Variants in ANTXRL observed in about 807,000 individuals in gnomAD.
ANTXRL encodes the protein ANTXR like.
ANTXRL carries 63 observed loss-of-function variants against 75.4 expected under a neutral mutation model. That is an observed-to-expected ratio of 0.84 (90% CI 0.68 to 1.03). ANTXRL has a LOEUF of 1.03. Among genes scored for constraint, ANTXRL ranks in the 50% least tolerant of loss-of-function variants. The pLI, the probability that ANTXRL is intolerant of heterozygous loss-of-function variation, is 0.00. For missense variants in ANTXRL, 797 were observed against 789.4 expected (o/e 1.01, Z -0.12); for synonymous variants, 335 against 291.3 (o/e 1.15, Z -1.53).
intron 12 of ANTXRL, among the ~76,000 whole-genome samples, chr10:46,307,870 C>A (rs1774238869): frequency 6.6e-6 from 1 of 152,160 alleles, no homozygotes; most frequent in Non-Finnish European, 1.5e-5. Flanking sequence ...AGCCCCCTTT[C>A]TGCCTCTCCT....
intron 10 of ANTXRL, among the ~76,000 whole-genome samples, chr10:46,306,440 A>T (rs1200002749): frequency 6.6e-6 from 1 of 152,186 alleles, no homozygotes; most frequent in African/African-American, 2.4e-5. Flanking sequence ...GAAGTCATGC[A>T]TAATGAAGCG....
chr10:46,291,083 G>A lies in ANTXRL; in HGVS notation c.249-975G>A, dbSNP rs528052317. On this transcript the variant is annotated intron_variant, in intron 1 of 16. Coordinates refer to ENST00000620264, the MANE Select transcript of ANTXRL (RefSeq NM_001278688.3). ...TTTTAGCCTTTACATTTAGGTCTTTGACCCATTTTGAGTGAATTTCTGTAA... is the reference window on the plus strand; with the variant it reads ...TTTTAGCCTTTACATTTAGGTCTTTAACCCATTTTGAGTGAATTTCTGTAA... Among the ~76,000 whole-genome samples, 244 of 152,206 alleles carry A rather than the reference G, an allele frequency of 1.6e-3. 1 individual carries two copies. The highest frequency in any genetic ancestry group is 3.6e-3 in the Admixed American group (55 of 15,274).
intron 2 of ANTXRL, among the ~76,000 whole-genome samples, chr10:46,293,520 T>TGTGC (rs782374134): frequency 0.027 from 4,007 of 147,292 alleles, 184 homozygotes; most frequent in African/African-American, 0.095. Context: ...TGTGTGTGTG[T>TGTGC]GCCTCTGTGT....
chr10:46,308,970 C>T (rs1838262172), intron 12 of ANTXRL, 143 bp from the exon 13 acceptor site: 1 of 1,188,356 alleles, frequency 8.4e-7, no homozygotes, highest in Admixed American at 2.4e-5. Flanking sequence ...TCTCTGGGGC[C>T]CAGCCCTGGC....
intron 10 of ANTXRL, among the ~76,000 whole-genome samples, chr10:46,305,796 C>T (rs1241423410): frequency 2.6e-5 from 4 of 152,032 alleles, no homozygotes; most frequent in African/African-American, 9.7e-5. Flanking sequence ...AACAAAATTA[C>T]AGACTTGAAA....
At chr10:46,316,347 A>C (rs1838723767) in intron 16 of ANTXRL, among the ~76,000 whole-genome samples, 1 of 152,050 alleles carries the variant, frequency 6.6e-6, no homozygotes, top group African/African-American at 2.4e-5. Flanking sequence ...TCCACAAACT[A>C]ATATATGCCA....
intron 1 of ANTXRL, 122 bp downstream of exon 1, chr10:46,287,632 T>C: frequency 3.0e-6 from 4 of 1,348,354 alleles, no homozygotes; most frequent in Non-Finnish European, 3.9e-6. Context: ...GGCCAAACTT[T>C]GGTCAGACCA....
intron 16 of ANTXRL, among the ~76,000 whole-genome samples, chr10:46,314,790 A>AGGCCCAGAGT (rs1386110799): frequency 9.9e-5 from 15 of 152,270 alleles, no homozygotes; most frequent in Non-Finnish European, 2.1e-4. Flanking sequence ...GGCAAAATAG[A>AGGCCCAGAGT]GGCCCAGAGT....
intron 16 of ANTXRL, among the ~76,000 whole-genome samples, chr10:46,326,201 G>A (rs963870791): frequency 1.3e-5 from 2 of 152,008 alleles, no homozygotes; most frequent in East Asian, 3.9e-4. Flanking sequence ...TGTGAGTAGA[G>A]ATGGATAAAA....
chr10:46,318,116 C>T (rs1251205355), intron 16 of ANTXRL, among the ~76,000 whole-genome samples: 1 of 152,216 alleles, frequency 6.6e-6, no homozygotes, highest in South Asian at 2.1e-4. Context: ...GGGAGGTGGC[C>T]TCAGTGTTAG....
chr10:46,325,015 G>A (rs561099675), intron 16 of ANTXRL, among the ~76,000 whole-genome samples: 17 of 152,132 alleles, frequency 1.1e-4, no homozygotes, highest in African/African-American at 4.1e-4. Context: ...ATCCTTTCAC[G>A]CCAAGAGATT....
intron 10 of ANTXRL, among the ~76,000 whole-genome samples, chr10:46,305,351 G>A (rs763728791): frequency 6.6e-6 from 1 of 152,166 alleles, no homozygotes; most frequent in African/African-American, 2.4e-5. Context: ...AAACAGAAAT[G>A]CTATTTATTC....
chr10:46,328,609 G>A (rs1554966903), intron 16 of ANTXRL, among the ~76,000 whole-genome samples: 1 of 152,082 alleles, frequency 6.6e-6, no homozygotes, highest in Non-Finnish European at 1.5e-5. Flanking sequence ...TTACAACTGA[G>A]CACATTGCCT....
At chr10:46,287,818 G>A (rs1366348791) in intron 1 of ANTXRL, among the ~76,000 whole-genome samples, 1 of 152,144 alleles carries the variant, frequency 6.6e-6, no homozygotes, top group African/African-American at 2.4e-5. Context: ...TGATTGCTCG[G>A]ACCTGCCTCT....
chr10:46,300,620 A>G lies in ANTXRL; in HGVS notation c.797-2102A>G, dbSNP rs187149428. ...GTGCAGAGGTGGGACCAGGTGGAGC[A>G]CAGGCACTCTGCAAGCCTTGCCTCA... On this transcript the variant is annotated intron_variant, in intron 9 of 16. Transcript: ENST00000620264. 6.0e-3 allele frequency among the ~76,000 whole-genome samples: 913 copies of G among 152,026 alleles called. 16 individuals are homozygous for G. Among genetic ancestry groups the G allele is most frequent in the East Asian group, 0.039 (203 of 5,168 alleles).
rs190206961 is a variant in ANTXRL at position 46,308,387 on chromosome 10, C to T, written c.1045-726C>T. 2.8e-3 allele frequency: 1,153 copies of T among 412,366 alleles called. 8 individuals carry two copies. The highest frequency in any genetic ancestry group is 3.4e-3 in the Non-Finnish European group (702 of 206,680). The allele number at this position is 412,366 out of a possible 1,614,324, so 25.5% of individuals were successfully genotyped here. ...CCTTCAGCCAGCCGGGTTCCCAGCACAGGCCCCTGCCCCTTCCCTCCCCTC... is the reference window on the plus strand; with the variant it reads ...CCTTCAGCCAGCCGGGTTCCCAGCATAGGCCCCTGCCCCTTCCCTCCCCTC... On this transcript the variant is annotated intron_variant, in intron 12 of 16. Coordinates refer to ENST00000620264, the MANE Select transcript of ANTXRL (RefSeq NM_001278688.3).
At chr10:46,323,839 G>A (rs1839091368) in intron 16 of ANTXRL, among the ~76,000 whole-genome samples, 2 of 152,110 alleles carry the variant, frequency 1.3e-5, no homozygotes, top group Non-Finnish European at 1.5e-5. Context: ...GTCTTTCCGA[G>A]GTAAAGATTC....
chr10:46,287,323 C>G lies in ANTXRL; in HGVS notation c.61C>G (p.Pro21Ala), dbSNP rs1358743639. The G allele has an allele frequency of 1.3e-6, 2 of 1,535,920 alleles. No homozygotes were observed. Among genetic ancestry groups the G allele is most frequent in the African/African-American group, 2.7e-5 (2 of 73,006 alleles). ...GGTCTTCCTGCTGCTGCTGCTGCTTCCTCCACCGCTTTTTAGAGCAGGAAG... is the reference window on the plus strand; with the variant it reads ...GGTCTTCCTGCTGCTGCTGCTGCTTGCTCCACCGCTTTTTAGAGCAGGAAG... ...FLVFLLLLLLPPPLFRAGSLR... is the reference protein window; with the variant it reads ...FLVFLLLLLLAPPLFRAGSLR... Residue 21 changes from proline to alanine, a missense_variant, in exon 1 of 17, where the codon CCT becomes GCT. Pro to Ala is a conservative substitution (Grantham distance 27). Coordinates refer to ENST00000620264, the MANE Select transcript of ANTXRL (RefSeq NM_001278688.3).
At chr10:46,321,620 A>G (rs1453399281) in intron 16 of ANTXRL, among the ~76,000 whole-genome samples, 1 of 152,178 alleles carries the variant, frequency 6.6e-6, no homozygotes, top group Non-Finnish European at 1.5e-5. Flanking sequence ...ATTCTACACC[A>G]TGAAAGGTTT....
Sources: gnomAD v4.1 joint callset for allele counts (sites outside exome capture counted in the v4.1 genomes callset) on GRCh38, gnomAD v4.1.1 for gene constraint, MANE v1.5 for transcripts, NCBI Gene and HGNC (gene_info 2026-07-23, HGNC 2026-07-21) for gene names.